Variants in LRP6 observed in about 807,000 individuals in gnomAD.
The protein encoded by LRP6 is LDL receptor related protein 6.
LRP6 carries 43 observed loss-of-function variants against 184.1 expected under a neutral mutation model. The ratio of observed to expected loss-of-function variants is 0.23; its 90% CI spans 0.18 to 0.30. The LOEUF (loss-of-function observed/expected upper bound fraction) is 0.30. Ranked by LOEUF, LRP6 falls within the 10% of genes least tolerant of loss-of-function variation. The pLI, the probability that LRP6 is intolerant of heterozygous loss-of-function variation, is 1.00. For missense variants in LRP6, 1,571 were observed against 2,005.3 expected (o/e 0.78, Z 4.14); for synonymous variants, 719 against 684.9 (o/e 1.05, Z -0.78).
At chr12:12,266,561 G>T in intron 1 of LRP6, 120 bp downstream of exon 1, 1 of 864,558 alleles carries the variant, frequency 1.2e-6, no homozygotes. Flanking sequence ...CCACGACCAG[G>T]CCTCTCCCCG....
intron 2 of LRP6, among the ~76,000 whole-genome samples, chr12:12,230,444 T>G (rs1864754079): frequency 6.6e-6 from 1 of 152,130 alleles, no homozygotes; most frequent in South Asian, 2.1e-4. Context: ...GGATGAAATT[T>G]CACCCTTTAC....
At chr12:12,211,151 T>A (rs186738714) in intron 2 of LRP6, 1 of 152,172 alleles carries the variant, frequency 6.6e-6, no homozygotes, top group East Asian at 1.9e-4. Flanking sequence ...GATAAAAGAG[T>A]CTGGGCTGGG....
At chr12:12,182,362 T>C (rs1206601824) in intron 5 of LRP6, among the ~76,000 whole-genome samples, 1 of 152,222 alleles carries the variant, frequency 6.6e-6, no homozygotes, top group African/African-American at 2.4e-5. Flanking sequence ...TATGAACTGT[T>C]TAAAGCCCAA....
chr12:12,201,341 T>C (rs1863910408), intron 3 of LRP6, among the ~76,000 whole-genome samples: 1 of 152,220 alleles, frequency 6.6e-6, no homozygotes, highest in Non-Finnish European at 1.5e-5. Context: ...TCGTTGGGGC[T>C]AGACTGCTCT....
chr12:12,141,153 G>A (rs573643964), intron 15 of LRP6, among the ~76,000 whole-genome samples: 10 of 151,542 alleles, frequency 6.6e-5, no homozygotes, highest in African/African-American at 2.2e-4. Flanking sequence ...GGAAGGAGAA[G>A]GGGAAAAGAA....
chr12:12,266,968 G>C lies in LRP6; in HGVS notation c.-233C>G, dbSNP rs1865788701. ...CGCCAGCGTCTGCTTCCATCCCGCCGCCTCCTCCCCCGGCGCCCCGCTTCC... is the reference window on the plus strand; with the variant it reads ...CGCCAGCGTCTGCTTCCATCCCGCCCCCTCCTCCCCCGGCGCCCCGCTTCC... On this transcript the variant is annotated 5_prime_UTR_variant, in exon 1 of 23. Transcript: ENST00000261349. 2 of 540,878 alleles carry C rather than the reference G, an allele frequency of 3.7e-6. No homozygotes were observed. 33.5% of individuals were successfully genotyped at this position (540,878 alleles called of 1,614,324 possible). A position where few individuals can be genotyped will look rare whatever the true frequency, so the allele number is the denominator to read the frequency against.
intron 10 of LRP6, among the ~76,000 whole-genome samples, chr12:12,161,095 T>C (rs1862731043): frequency 6.6e-6 from 1 of 152,192 alleles, no homozygotes. Flanking sequence ...AGCAACCAAT[T>C]AGTCCCAACT....
At chr12:12,223,531 A>G (rs11054731) in intron 2 of LRP6, among the ~76,000 whole-genome samples, 59,803 of 152,084 alleles carry the variant, frequency 0.39, 14,485 homozygotes, top group East Asian at 0.7. Flanking sequence ...TCATTCAACA[A>G]TATGACTGGT....
intron 1 of LRP6, among the ~76,000 whole-genome samples, chr12:12,252,508 T>C (rs540295690): frequency 3.9e-5 from 6 of 152,344 alleles, no homozygotes; most frequent in East Asian, 1.9e-4. Flanking sequence ...TAGGGATATT[T>C]TGGAAGTTCT....
chr12:12,144,978 G>A (rs1277206190), intron 15 of LRP6, among the ~76,000 whole-genome samples: 1 of 151,962 alleles, frequency 6.6e-6, no homozygotes, highest in African/African-American at 2.4e-5. Flanking sequence ...CTAGTTAATG[G>A]GTGCAGCAAA....
chr12:12,127,860 T>C (rs1949694635), intron 19 of LRP6, among the ~76,000 whole-genome samples: 1 of 152,206 alleles, frequency 6.6e-6, no homozygotes, highest in African/African-American at 2.4e-5. Flanking sequence ...ACAGATTATA[T>C]GAAAGAAATG....
At chr12:12,250,464 A>C (rs1865297849) in intron 1 of LRP6, among the ~76,000 whole-genome samples, 1 of 151,136 alleles carries the variant, frequency 6.6e-6, no homozygotes, top group Non-Finnish European at 1.5e-5. Context: ...CTTAGTCTTT[A>C]GTACTTACAT....
At chr12:12,167,121 G>C (rs1482115423) in intron 7 of LRP6, among the ~76,000 whole-genome samples, 1 of 152,018 alleles carries the variant, frequency 6.6e-6, no homozygotes, top group Admixed American at 6.5e-5. Context: ...CAGAAAATAG[G>C]TAAGAATGAA....
chr12:12,210,152 A>C (rs1483213102), intron 2 of LRP6, among the ~76,000 whole-genome samples: 1 of 152,234 alleles, frequency 6.6e-6, no homozygotes, highest in Non-Finnish European at 1.5e-5. Context: ...TCCAGTGACA[A>C]TAACATTGAG....
chr12:12,121,477 C>G, intron 22 of LRP6, 57 bp from the exon 23 acceptor site: 1 of 1,524,052 alleles, frequency 6.6e-7, no homozygotes, highest in Admixed American at 1.7e-5. Context: ...AAATGATTTC[C>G]CCTCTCAGAA....
chr12:12,131,990 A>C lies in LRP6; in HGVS notation c.3801T>G (p.Ala1267=). Residue 1267 remains alanine, a synonymous_variant, in exon 18 of 23, where the codon GCT becomes GCG. Transcript: ENST00000261349. ...ATTCAGTAAACCCATCGCACCGCCA[A>C]GCCACAGGGATACAGTCAATTTCCC... The part of the protein sequence containing the change: ...FTGEIDCIPV[A]WRCDGFTECE... 2.5e-6 allele frequency: 4 copies of C among 1,614,178 alleles called. No individual in the cohort carries two copies. The highest frequency in any genetic ancestry group is 3.4e-6 in the Non-Finnish European group (4 of 1,180,040).
At chr12:12,261,992 C>T (rs1037055316) in intron 1 of LRP6, among the ~76,000 whole-genome samples, 1 of 152,146 alleles carries the variant, frequency 6.6e-6, no homozygotes, top group Non-Finnish European at 1.5e-5. Flanking sequence ...CCTGTAATCC[C>T]AACACTTTGG....
At chr12:12,190,851 G>T (rs891323581) in intron 3 of LRP6, among the ~76,000 whole-genome samples, 1 of 152,164 alleles carries the variant, frequency 6.6e-6, no homozygotes, top group Non-Finnish European at 1.5e-5. Context: ...AGCAGTGATG[G>T]CAAAGCTTTG....
chr12:12,198,036 A>G (rs1863812446), intron 3 of LRP6, among the ~76,000 whole-genome samples: 1 of 152,198 alleles, frequency 6.6e-6, no homozygotes, highest in South Asian at 2.1e-4. Flanking sequence ...CTCCTGCCTT[A>G]GCCCCCTGAG....
Sources: allele counts gnomAD v4.1 joint callset (sites outside exome capture counted in the v4.1 genomes callset), GRCh38; gene constraint gnomAD v4.1.1; transcripts MANE v1.5; gene names NCBI Gene and HGNC (gene_info 2026-07-23, HGNC 2026-07-21).